The following TTC29 variants were observed in gnomAD, a reference collection of about 807,000 sequenced individuals.
The protein encoded by TTC29 is tetratricopeptide repeat domain 29, also known as tetratricopeptide repeat protein 29.
A neutral mutation model predicts 58.1 loss-of-function variants in TTC29; 49 were observed. The ratio of observed to expected loss-of-function variants is 0.84; its 90% CI spans 0.67 to 1.07. TTC29 has a LOEUF of 1.07. TTC29 is among the 50% of genes least tolerant of loss of function. The pLI is 0.00. For missense variants in TTC29, 582 were observed against 555.6 expected, an observed-to-expected ratio of 1.05 and a Z score of -0.48; for synonymous variants, 209 against 196.8, an observed-to-expected ratio of 1.06 and a Z score of -0.52.
intron 11 of TTC29, among the ~76,000 whole-genome samples, chr4:146,759,045 A>T (rs1746672851): frequency 6.6e-6 from 1 of 152,090 alleles, no homozygotes; most frequent in African/African-American, 2.4e-5. Context: ...AAAGGAAACA[A>T]AGAGCTGGTT....
intron 11 of TTC29, among the ~76,000 whole-genome samples, chr4:146,761,013 A>G (rs572983020): frequency 6.6e-6 from 1 of 151,834 alleles, no homozygotes; most frequent in South Asian, 2.1e-4. Flanking sequence ...CATTGTTTAT[A>G]TGTTCTCACT....
chr4:146,834,557 A>G (rs1431750996), intron 8 of TTC29, among the ~76,000 whole-genome samples: 1 of 152,108 alleles, frequency 6.6e-6, no homozygotes, highest in East Asian at 1.9e-4. Context: ...CCCGAAGGAG[A>G]AAAATACATA....
chr4:146,871,283 C>T (rs1026308410), intron 7 of TTC29, among the ~76,000 whole-genome samples: 2 of 151,812 alleles, frequency 1.3e-5, no homozygotes, highest in Non-Finnish European at 2.9e-5. Context: ...CAAAATCCAA[C>T]CCCCTTTCAT....
At chr4:146,838,175 A>C (rs953216743) in intron 8 of TTC29, among the ~76,000 whole-genome samples, 12 of 152,162 alleles carry the variant, frequency 7.9e-5, no homozygotes, top group Admixed American at 6.6e-4. Flanking sequence ...TTCAAATAAA[A>C]TCCAAAGTTC....
At chr4:146,775,301 G>A (rs922115147) in intron 11 of TTC29, among the ~76,000 whole-genome samples, 4 of 152,114 alleles carry the variant, frequency 2.6e-5, no homozygotes, top group South Asian at 2.1e-4. Flanking sequence ...TTTGTTGGCC[G>A]GTTATTATGC....
At chr4:146,930,431 A>T (rs1288333259) in intron 4 of TTC29, among the ~76,000 whole-genome samples, 2 of 152,282 alleles carry the variant, frequency 1.3e-5, no homozygotes, top group South Asian at 2.1e-4. Context: ...CTGGTCTGGT[A>T]ATATCTGTGG....
intron 9 of TTC29, chr4:146,831,824 C>T (rs1300874813): frequency 2.6e-6 from 1 of 390,674 alleles, no homozygotes; most frequent in South Asian, 1.9e-5. Context: ...TTATAAAGAC[C>T]ATCAGTAACC....
In TTC29 at chr4:146,724,103, T is replaced by A. The variant is rs538295830; in HGVS notation, c.1331-16552A>T. On this transcript the variant is annotated intron_variant, in intron 11 of 12. Coordinates refer to ENST00000325106, the MANE Select transcript of TTC29 (RefSeq NM_031956.4). ...TGGATGCAGCTGGAGGCCATTATCC[T>A]AAGTGAATTAATGCAGGAACAGAAA... 2.0e-5 allele frequency among the ~76,000 whole-genome samples: 3 copies of A among 152,340 alleles called. No individual in the cohort carries two copies. The South Asian group carries it at 6.2e-4, about 32-fold the overall frequency.
At chr4:146,805,335 A>C (rs766827126) in intron 10 of TTC29, among the ~76,000 whole-genome samples, 29 of 152,074 alleles carry the variant, frequency 1.9e-4, no homozygotes, top group Non-Finnish European at 1.0e-4. Context: ...TTCTCTTCCA[A>C]AGGATCATAA....
At chr4:146,735,114 G>T (rs1561072579) in intron 11 of TTC29, among the ~76,000 whole-genome samples, 1 of 152,098 alleles carries the variant, frequency 6.6e-6, no homozygotes, top group African/African-American at 2.4e-5. Context: ...TGCTGGGTTG[G>T]ACCTTAATGC....
intron 8 of TTC29, among the ~76,000 whole-genome samples, chr4:146,855,494 T>C (rs999901445): frequency 5.3e-5 from 8 of 152,142 alleles, no homozygotes; most frequent in Non-Finnish European, 1.2e-4. Context: ...GGAGGTTTAA[T>C]CTTAAATTCA....
intron 11 of TTC29, among the ~76,000 whole-genome samples, chr4:146,783,690 G>T (rs1414427793): frequency 6.6e-6 from 1 of 152,050 alleles, no homozygotes; most frequent in East Asian, 1.9e-4. Flanking sequence ...CTAAGTCTCA[G>T]GTGAAGGTAG....
intron 11 of TTC29, chr4:146,763,967 GA>G (rs1212123800): frequency 2.7e-5 from 4 of 150,632 alleles, no homozygotes; most frequent in Admixed American, 2.0e-4. Context: ...GCTTAAGGCA[GA>G]GGGGGGGACA....
chr4:146,817,451 G>C (rs1751488349), intron 10 of TTC29, among the ~76,000 whole-genome samples: 1 of 152,064 alleles, frequency 6.6e-6, no homozygotes, highest in South Asian at 2.1e-4. Flanking sequence ...ACAAATGGAA[G>C]AACATTCCAT....
chr4:146,875,139 G>A (rs1381979039), intron 6 of TTC29, among the ~76,000 whole-genome samples: 1 of 152,142 alleles, frequency 6.6e-6, no homozygotes. Flanking sequence ...ACCTGCAAGA[G>A]GGATGTACTC....
At chr4:146,874,339 T>A (rs1225840660) in intron 7 of TTC29, among the ~76,000 whole-genome samples, 1 of 152,162 alleles carries the variant, frequency 6.6e-6, no homozygotes, top group East Asian at 1.9e-4. Context: ...TACCTGACCA[T>A]GGGGAATTTA....
At chr4:146,835,566 C>T (rs1728454625) in intron 8 of TTC29, among the ~76,000 whole-genome samples, 1 of 151,984 alleles carries the variant, frequency 6.6e-6, no homozygotes, top group Admixed American at 6.6e-5. Context: ...ACTATTGTGT[C>T]TCAGGCACTA....
intron 4 of TTC29, among the ~76,000 whole-genome samples, chr4:146,914,406 T>C (rs932681723): frequency 2.6e-5 from 4 of 152,186 alleles, no homozygotes; most frequent in Admixed American, 6.6e-5. Flanking sequence ...TAAAAAACTT[T>C]TATGAATATT....
chr4:146,743,779 C>G (rs1561081268), intron 11 of TTC29, among the ~76,000 whole-genome samples: 2 of 152,216 alleles, frequency 1.3e-5, no homozygotes, highest in African/African-American at 2.4e-5. Context: ...ATTGTCCCAT[C>G]AAGAGGGTAT....
Sources: allele counts gnomAD v4.1 joint callset (sites outside exome capture counted in the v4.1 genomes callset), GRCh38; gene constraint gnomAD v4.1.1; transcripts MANE v1.5; gene names NCBI Gene and HGNC (gene_info 2026-07-23, HGNC 2026-07-21).